Variants in DNTT observed in about 807,000 individuals in gnomAD.
The protein encoded by DNTT is nucleosidetriphosphate:DNA deoxynucleotidylexotransferase.
In DNTT, 47 loss-of-function variants were observed where a neutral mutation model predicts 60.9. That is an observed-to-expected ratio of 0.77 (90% CI 0.61 to 0.98). The LOEUF (loss-of-function observed/expected upper bound fraction) is 0.98. Ranked by LOEUF, DNTT falls within the 50% of genes least tolerant of loss-of-function variation. The pLI, the probability that DNTT is intolerant of heterozygous loss-of-function variation, is 0.00. For synonymous variants in DNTT, 224 were observed against 221.2 expected, an observed-to-expected ratio of 1.01 and a Z score of -0.11; for missense variants, 665 against 627.5, an observed-to-expected ratio of 1.06 and a Z score of -0.64.
chr10:96,320,938 G>C (rs12251578), intron 4 of DNTT, 150 bp downstream of exon 4: 1 of 547,668 alleles, frequency 1.8e-6, no homozygotes, highest in Non-Finnish European at 3.2e-6. Context: ...TCTCTCCTCT[G>C]TCTCTCTCTC....
rs1286283190 is a variant in DNTT, at chr10:96,324,386, G to C, written c.871G>C (p.Ala291Pro). 1 of 1,613,740 alleles carries C rather than the reference G, an allele frequency of 6.2e-7. No individual in the cohort carries two copies. Among genetic ancestry groups the C allele is most frequent in the Non-Finnish European group, 8.5e-7 (1 of 1,179,740 alleles). Reference protein sequence around the residue: ...KSLKFTRMQKAGFLYYEDLVS... With the variant: ...KSLKFTRMQKPGFLYYEDLVS... ...CCTGAAATTTACACGAATGCAGAAA[G>C]CAGGTAAATTGTCTCTCCTAAAAGT... Residue 291 changes from alanine to proline, a missense_variant, in exon 6 of 11, where the codon GCA becomes CCA. By Grantham distance (27) the Ala-to-Pro change is conservative. Transcript: ENST00000371174.
At chr10:96,320,938 GTCTCTC>G (rs57273993) in intron 4 of DNTT, 150 bp downstream of exon 4, 62,282 of 546,752 alleles carry the variant, frequency 0.11, 3,836 homozygotes, top group East Asian at 0.39. Flanking sequence ...TCTCTCCTCT[GTCTCTC>G]TCTCTCTCTC....
intron 1 of DNTT, among the ~76,000 whole-genome samples, chr10:96,308,092 T>C (rs1844666050): frequency 6.6e-6 from 1 of 152,186 alleles, no homozygotes; most frequent in African/African-American, 2.4e-5. Context: ...AGCTGTTTTT[T>C]CAGCTGATAG....
At position 96,307,773 on chromosome 10, in the gene DNTT, A is replaced by ATTTT. The variant is rs1407279607; in HGVS notation, c.203+3074_203+3075insTTTT. The stretch of plus-strand genomic sequence containing the variant: ...TGTGTGTGTGCATATATATATATAT[A>ATTTT]TATATTTTTTTTTTTTGAGGCAGGG... On this transcript the variant is annotated intron_variant, in intron 1 of 10. Transcript: ENST00000371174. 2.9e-4 allele frequency among the ~76,000 whole-genome samples: 29 copies of ATTTT among 100,396 alleles called. 1 individual carries two copies. The highest frequency in any genetic ancestry group is 5.3e-3 in the Middle Eastern group (1 of 190). 65.9% of individuals were successfully genotyped at this position (100,396 alleles called of 152,430 possible). A position where few individuals can be genotyped will look rare whatever the true frequency, so the allele number is the denominator to read the frequency against.
At chr10:96,314,217 C>T (rs149937672) in intron 1 of DNTT, among the ~76,000 whole-genome samples, 1 of 152,108 alleles carries the variant, frequency 6.6e-6, no homozygotes, top group Non-Finnish European at 1.5e-5. Context: ...TTATGATACC[C>T]ATCCAGATGT....
Position 96,304,451 on chromosome 10 carries a change from G to A in DNTT, c.-47G>A, listed in dbSNP as rs1167291900. The A allele has an allele frequency of 6.2e-7, 1 of 1,608,926 alleles. No individual in the cohort carries two copies. The highest frequency in any genetic ancestry group is 2.2e-5 in the East Asian group (1 of 44,796). ...AGGGTGGCAGTCTCCCTCCCTTCTGGAGACACCACCAGATGGGCCAGCCAG... is the reference window on the plus strand; with the variant it reads ...AGGGTGGCAGTCTCCCTCCCTTCTGAAGACACCACCAGATGGGCCAGCCAG... On this transcript the variant is annotated 5_prime_UTR_variant, in exon 1 of 11. Coordinates refer to ENST00000371174, the MANE Select transcript of DNTT (RefSeq NM_004088.4).
At chr10:96,332,773 A>C (rs1845023478) in intron 9 of DNTT, among the ~76,000 whole-genome samples, 177 bp downstream of exon 9, 1 of 152,202 alleles carries the variant, frequency 6.6e-6, no homozygotes, top group Admixed American at 6.5e-5. Context: ...ATGACAGATT[A>C]ATTTAGAACA....
intron 1 of DNTT, among the ~76,000 whole-genome samples, chr10:96,310,840 T>A (rs1474021276): frequency 2.0e-5 from 3 of 152,094 alleles, no homozygotes; most frequent in East Asian, 3.8e-4. Flanking sequence ...TTGTAATGAA[T>A]TTTTTTTCTG....
In DNTT at chr10:96,328,731, G is replaced by C. The variant is rs751069683; in HGVS notation, c.1014G>C (p.Lys338Asn). 4.3e-6 allele frequency: 7 copies of C among 1,612,330 alleles called. No homozygotes were observed. In the African/African-American group the frequency reaches 6.7e-5, roughly 15 times the overall value. Residue 338 changes from lysine to asparagine, a missense_variant, in exon 8 of 11, where the codon AAG becomes AAC. Lys to Asn is a moderately conservative substitution (Grantham distance 94, BLOSUM62 0). Coordinates refer to ENST00000371174, the MANE Select transcript of DNTT (RefSeq NM_004088.4). ...TACTGCTTTTGAAAATTAGGGGTAA[G>C]AAGATGGGGCATGATGTAGATTTTT... Reference protein sequence around the residue: ...VTMTGGFRRGKKMGHDVDFLI... With the variant: ...VTMTGGFRRGNKMGHDVDFLI...
intron 8 of DNTT, among the ~76,000 whole-genome samples, chr10:96,330,395 C>G (rs1215775572): frequency 6.8e-6 from 1 of 147,364 alleles, no homozygotes; most frequent in East Asian, 2.0e-4. Flanking sequence ...TGTTTTATAT[C>G]TCCTTTTTCA....
intron 10 of DNTT, among the ~76,000 whole-genome samples, 172 bp from the exon 11 acceptor site, chr10:96,337,966 C>T (rs1443674037): frequency 5.9e-5 from 9 of 152,118 alleles, no homozygotes; most frequent in African/African-American, 1.9e-4. Flanking sequence ...TCATTTAGTA[C>T]CATGTTTTGG....
intron 1 of DNTT, among the ~76,000 whole-genome samples, chr10:96,313,271 G>C (rs1844742884): frequency 6.6e-6 from 1 of 152,030 alleles, no homozygotes; most frequent in Non-Finnish European, 1.5e-5. Context: ...GCTGCCGGAG[G>C]GTTTCTGTCA....
rs753666173 is a variant in DNTT at position 96,332,549 on chromosome 10, C to G, written c.1312C>G (p.Pro438Ala). Residue 438 changes from proline to alanine, a missense_variant, in exon 9 of 11, where the codon CCC becomes GCC. By Grantham distance (27) the Pro-to-Ala change is conservative. Transcript: ENST00000371174. ...KAIRVDLVLC[P>A]YERRAFALLG... ...CATCCGTGTGGATTTAGTTCTGTGCCCCTACGAGCGTCGTGCCTTTGCCCT... is the reference window on the plus strand; with the variant it reads ...CATCCGTGTGGATTTAGTTCTGTGCGCCTACGAGCGTCGTGCCTTTGCCCT... The G allele has an allele frequency of 6.2e-7, 1 of 1,614,162 alleles. No homozygotes were observed. Among genetic ancestry groups the G allele is most frequent in the South Asian group, 1.1e-5 (1 of 91,080 alleles).
chr10:96,304,494 T>A lies in DNTT; in HGVS notation c.-4T>A. 6.2e-7 allele frequency: 1 copy of A among 1,613,256 alleles called. No individual in the cohort carries two copies. Among genetic ancestry groups the A allele is most frequent in the Non-Finnish European group, 8.5e-7 (1 of 1,179,938 alleles). On this transcript the variant is annotated 5_prime_UTR_variant, in exon 1 of 11. Coordinates refer to ENST00000371174, the MANE Select transcript of DNTT (RefSeq NM_004088.4). The stretch of plus-strand genomic sequence containing the variant: ...CCAGCCAGAGGCAGCAGCAGCCTCT[T>A]CCCATGGATCCACCACGAGCGTCCC...
Position 96,318,472 on chromosome 10 carries a change from C to G in DNTT, c.324C>G (p.Ile108Met). 1 of 1,613,766 alleles carries G rather than the reference C, an allele frequency of 6.2e-7. No individual in the cohort carries two copies. The highest frequency in any genetic ancestry group is 8.5e-7 in the Non-Finnish European group (1 of 1,179,800). The change falls in exon 2 of 11, where the codon ATC becomes ATG. Residue 108 changes from isoleucine (I) to methionine (M), a missense_variant. By Grantham distance (10) the Ile-to-Met change is conservative. Transcript: ENST00000371174. ...AGCTCCTCGATGTCTCCTGGCTGAT[C>G]GAATGCATAAGAGCAGGGAAACCGG... ...QPELLDVSWL[I>M]ECIRAGKPVE...
At chr10:96,312,027 A>G (rs1844726458) in intron 1 of DNTT, among the ~76,000 whole-genome samples, 1 of 152,254 alleles carries the variant, frequency 6.6e-6, no homozygotes, top group African/African-American at 2.4e-5. Context: ...CATAAAACCT[A>G]TGATCTGAGA....
chr10:96,327,692 G>T, intron 7 of DNTT, 92 bp downstream of exon 7: 1 of 1,516,332 alleles, frequency 6.6e-7, no homozygotes, highest in East Asian at 2.3e-5. Flanking sequence ...AAAAGGCTGT[G>T]ATCTGGTGCC....
chr10:96,324,064 C>T (rs1401855226), intron 5 of DNTT, among the ~76,000 whole-genome samples: 1 of 152,092 alleles, frequency 6.6e-6, no homozygotes, highest in East Asian at 1.9e-4. Flanking sequence ...TTTGTAATGC[C>T]ACATGTCAAG....
chr10:96,324,505 C>A, intron 6 of DNTT, 116 bp downstream of exon 6: 2 of 1,443,036 alleles, frequency 1.4e-6, no homozygotes, highest in Non-Finnish European at 9.4e-7. Flanking sequence ...TCTTTGATGT[C>A]CATTGATGCT....
Sources: gnomAD v4.1 joint callset for allele counts (sites outside exome capture counted in the v4.1 genomes callset) on GRCh38, gnomAD v4.1.1 for gene constraint, MANE v1.5 for transcripts, NCBI Gene and HGNC (gene_info 2026-07-23, HGNC 2026-07-21) for gene names.